OR51B5: variants seen among roughly 807,000 people sequenced by gnomAD.
The protein encoded by OR51B5 is olfactory receptor family 51 subfamily B member 5, also known as olfactory receptor 51B5.
For synonymous variants in OR51B5, 186 were observed against 144.8 expected, an observed-to-expected ratio of 1.28 and a Z score of -2.04; for missense variants, 456 against 374.6, an observed-to-expected ratio of 1.22 and a Z score of -1.79.
intron 1 of OR51B5, among the ~76,000 whole-genome samples, chr11:5,471,885 C>T (rs1402395808): frequency 1.3e-5 from 2 of 152,046 alleles, no homozygotes; most frequent in Non-Finnish European, 1.5e-5. Context: ...GGTGCTTATT[C>T]AGACTCCCGG....
chr11:5,489,528 G>T, intron 1 of OR51B5: 1 of 1,614,052 alleles, frequency 6.2e-7, no homozygotes. Context: ...AAGTCCCCAA[G>T]CATGTGCACA....
chr11:5,387,727 C>T (rs1001744890), intron 1 of OR51B5, among the ~76,000 whole-genome samples: 1 of 54,048 alleles, frequency 1.9e-5, no homozygotes, highest in Non-Finnish European at 4.8e-5. Flanking sequence ...TTCCTCCTTC[C>T]TTGAATGTTT....
intron 1 of OR51B5, among the ~76,000 whole-genome samples, chr11:5,476,476 G>A (rs569326638): frequency 1.3e-5 from 2 of 152,136 alleles, no homozygotes; most frequent in Non-Finnish European, 2.9e-5. Flanking sequence ...TGCTGAAGGG[G>A]TCTGACATGT....
At chr11:5,494,887 T>C (rs559968459) in intron 1 of OR51B5, among the ~76,000 whole-genome samples, 1 of 152,312 alleles carries the variant, frequency 6.6e-6, no homozygotes, top group South Asian at 2.1e-4. Flanking sequence ...AGAGAACAGA[T>C]AGGTCTGTCA....
chr11:5,504,434 C>T (rs944722435), intron 1 of OR51B5, among the ~76,000 whole-genome samples: 2 of 152,194 alleles, frequency 1.3e-5, no homozygotes, highest in Non-Finnish European at 2.9e-5. Flanking sequence ...CTCTGTGACT[C>T]TATCTTCTCT....
chr11:5,502,116 C>G (rs752507107), intron 1 of OR51B5, among the ~76,000 whole-genome samples: 1 of 152,174 alleles, frequency 6.6e-6, no homozygotes, highest in Admixed American at 6.5e-5. Context: ...ACGTCAGGAA[C>G]CCTATTCTAA....
chr11:5,442,055 C>T (rs1850696924), intron 1 of OR51B5, among the ~76,000 whole-genome samples: 1 of 152,094 alleles, frequency 6.6e-6, no homozygotes, highest in African/African-American at 2.4e-5. Context: ...CTTCTCATGC[C>T]CGTGCACTTG....
At chr11:5,486,829 C>G (rs1851506095) in intron 1 of OR51B5, among the ~76,000 whole-genome samples, 1 of 152,014 alleles carries the variant, frequency 6.6e-6, no homozygotes, top group Non-Finnish European at 1.5e-5. Flanking sequence ...ATCTTTACTG[C>G]AGTAAAATCG....
At chr11:5,390,997 C>T (rs1336366742) in intron 1 of OR51B5, 1 of 152,324 alleles carries the variant, frequency 6.6e-6, no homozygotes, top group African/African-American at 2.4e-5. Flanking sequence ...AGACTTTGAT[C>T]CTATCCTTGA....
intron 1 of OR51B5, among the ~76,000 whole-genome samples, chr11:5,404,641 A>C (rs1441557925): frequency 6.6e-6 from 1 of 152,214 alleles, no homozygotes; most frequent in Admixed American, 6.5e-5. Flanking sequence ...GTCCCCTTGC[A>C]CGCTGTGGAA....
intron 1 of OR51B5, among the ~76,000 whole-genome samples, chr11:5,372,518 G>A (rs974168094): frequency 6.6e-6 from 1 of 152,188 alleles, no homozygotes; most frequent in African/African-American, 2.4e-5. Flanking sequence ...GATTGGTGAT[G>A]TAGTGCACCT....
intron 1 of OR51B5, among the ~76,000 whole-genome samples, chr11:5,451,584 T>C (rs1850849874): frequency 2.0e-5 from 3 of 152,192 alleles, no homozygotes; most frequent in Non-Finnish European, 4.4e-5. Flanking sequence ...ATAGTACCTG[T>C]GAGTTATGTA....
intron 1 of OR51B5, among the ~76,000 whole-genome samples, chr11:5,380,340 G>A (rs1849591374): frequency 6.6e-6 from 1 of 152,134 alleles, no homozygotes; most frequent in South Asian, 2.1e-4. Flanking sequence ...TAGGGGCTGT[G>A]GACCAGTCCA....
At chr11:5,429,486 G>C (rs1181886136) in intron 1 of OR51B5, among the ~76,000 whole-genome samples, 1 of 152,126 alleles carries the variant, frequency 6.6e-6, no homozygotes, top group Non-Finnish European at 1.5e-5. Flanking sequence ...AAGTGAGTGC[G>C]AATGATCAGT....
intron 1 of OR51B5, chr11:5,454,303 T>C (rs200377378): frequency 5.6e-6 from 9 of 1,614,086 alleles, no homozygotes; most frequent in African/African-American, 2.7e-5. Flanking sequence ...CCATGCTACA[T>C]ACATGTCCTC....
rs766523848 is a variant in OR51B5 at position 5,478,345 on chromosome 11, C to G, written n.84+27224G>C. ...CTAACAAACAGAAAGGACATCCACACCAAAAACCCATCTGTACATCACCAT... is the reference window on the plus strand; with the variant it reads ...CTAACAAACAGAAAGGACATCCACAGCAAAAACCCATCTGTACATCACCAT... On this transcript the variant is annotated intron_variant and non_coding_transcript_variant, in intron 1 of 4. Coordinates refer to the OR51B5 transcript ENST00000415970. 6.9e-3 allele frequency among the ~76,000 whole-genome samples: 1,035 copies of G among 150,136 alleles called. 5 individuals are homozygous for G. Among genetic ancestry groups the G allele is most frequent in the Non-Finnish European group, 0.011 (757 of 66,796 alleles).
intron 1 of OR51B5, among the ~76,000 whole-genome samples, chr11:5,382,188 T>C (rs1342046091): frequency 6.6e-6 from 1 of 152,222 alleles, no homozygotes; most frequent in Non-Finnish European, 1.5e-5. Context: ...GTATTAACTC[T>C]CTTAAATGTT....
intron 1 of OR51B5, among the ~76,000 whole-genome samples, chr11:5,496,623 AG>A: frequency 6.6e-6 from 1 of 152,288 alleles, no homozygotes; most frequent in Middle Eastern, 3.4e-3. Flanking sequence ...TCCCAGCAAG[AG>A]GGGGAGCCTC....
At chr11:5,432,430 T>G (rs1397639212) in intron 1 of OR51B5, among the ~76,000 whole-genome samples, 1 of 152,228 alleles carries the variant, frequency 6.6e-6, no homozygotes, top group African/African-American at 2.4e-5. Flanking sequence ...AAATTTTATT[T>G]TGTTTTTGTT....
Sources: gnomAD v4.1 joint callset for allele counts (sites outside exome capture counted in the v4.1 genomes callset) on GRCh38, gnomAD v4.1.1 for gene constraint, MANE v1.5 for transcripts, NCBI Gene and HGNC (gene_info 2026-07-23, HGNC 2026-07-21) for gene names.